The following BRINP3 variants were observed in gnomAD, a reference collection of about 807,000 sequenced individuals.
BRINP3 encodes the protein BMP/retinoic acid inducible neural specific 3.
BRINP3 carries 19 observed loss-of-function variants against 71.0 expected under a neutral mutation model. The observed-to-expected ratio is 0.27, with a 90% confidence interval of 0.19 to 0.39. BRINP3 has a LOEUF of 0.39. Among genes scored for constraint, BRINP3 ranks in the 10% least tolerant of loss-of-function variants. The pLI, the probability that BRINP3 is intolerant of heterozygous loss-of-function variation, is 1.00. For synonymous variants in BRINP3, 380 were observed against 337.7 expected, an observed-to-expected ratio of 1.13 and a Z score of -1.37; for missense variants, 959 against 940.8, an observed-to-expected ratio of 1.02 and a Z score of -0.25.
chr1:190,412,457 T>A (rs1405510862), intron 2 of BRINP3, among the ~76,000 whole-genome samples: 1 of 131,070 alleles, frequency 7.6e-6, no homozygotes, highest in Non-Finnish European at 1.6e-5. Flanking sequence ...TTTTGTTTTG[T>A]TTTTTTTTGT....
intron 3 of BRINP3, among the ~76,000 whole-genome samples, chr1:190,275,134 A>G (rs2102912011): frequency 6.6e-6 from 1 of 151,766 alleles, no homozygotes; most frequent in African/African-American, 2.4e-5. Context: ...ATAACATGAA[A>G]ATAAAGGAAC....
intron 2 of BRINP3, among the ~76,000 whole-genome samples, chr1:190,297,018 T>C (rs749930479): frequency 6.6e-6 from 1 of 152,010 alleles, no homozygotes; most frequent in Non-Finnish European, 1.5e-5. Flanking sequence ...CCTGTAAAAA[T>C]TTCAATGGCA....
intron 2 of BRINP3, among the ~76,000 whole-genome samples, chr1:190,436,597 AT>A (rs943773467): frequency 2.0e-5 from 3 of 151,840 alleles, no homozygotes; most frequent in African/African-American, 4.8e-5. Flanking sequence ...CATTATGATC[AT>A]TTTTTTAAAA....
At position 190,286,235 on chromosome 1, in the gene BRINP3, G is replaced by A. The variant is rs911483963; in HGVS notation, c.237-4485C>T. ...CATCTACTATGTATGTCCATACAACGTTAATTTTTCTACAATGTTTATTAT... is the reference window on the plus strand; with the variant it reads ...CATCTACTATGTATGTCCATACAACATTAATTTTTCTACAATGTTTATTAT... On this transcript the variant is annotated intron_variant, in intron 2 of 7. Transcript: ENST00000367462. Among the ~76,000 whole-genome samples, 7 of 152,006 alleles carry A rather than the reference G, an allele frequency of 4.6e-5. No homozygotes were observed. The East Asian group carries it at 1.3e-3, about 29-fold the overall frequency.
chr1:190,364,468 C>A (rs1401822784), intron 2 of BRINP3, among the ~76,000 whole-genome samples: 1 of 151,818 alleles, frequency 6.6e-6, no homozygotes, highest in Non-Finnish European at 1.5e-5. Context: ...CAACGTGGAG[C>A]CCAGGAAAGA....
chr1:190,166,479 A>G (rs1651549616), intron 6 of BRINP3, among the ~76,000 whole-genome samples: 1 of 152,122 alleles, frequency 6.6e-6, no homozygotes, highest in Non-Finnish European at 1.5e-5. Context: ...AAGCTGGAAA[A>G]CCCAGGTCCT....
At position 190,231,790 on chromosome 1, in the gene BRINP3, A is replaced by G. The variant is rs1263904733; in HGVS notation, c.724+2582T>C. ...AGATCTCAAAGTCCATCTTTTATATATCTTATTTTTTAAAATACTGATTCA... is the reference window on the plus strand; with the variant it reads ...AGATCTCAAAGTCCATCTTTTATATGTCTTATTTTTTAAAATACTGATTCA... On this transcript the variant is annotated intron_variant, in intron 5 of 7. Coordinates refer to ENST00000367462, the MANE Select transcript of BRINP3 (RefSeq NM_199051.3). 7.9e-5 allele frequency among the ~76,000 whole-genome samples: 12 copies of G among 151,772 alleles called. No individual in the cohort carries two copies. The South Asian group carries it at 2.1e-3, about 26-fold the overall frequency.
At chr1:190,469,282 T>G (rs1262324450) in intron 1 of BRINP3, among the ~76,000 whole-genome samples, 1 of 151,076 alleles carries the variant, frequency 6.6e-6, no homozygotes, top group Non-Finnish European at 1.5e-5. Flanking sequence ...ATTTATAAAA[T>G]GTACTATTAC....
At chr1:190,162,939 T>C (rs2102466524) in intron 6 of BRINP3, among the ~76,000 whole-genome samples, 1 of 152,200 alleles carries the variant, frequency 6.6e-6, no homozygotes, top group East Asian at 1.9e-4. Context: ...ATACAGATGT[T>C]TCAATCTATG....
intron 6 of BRINP3, among the ~76,000 whole-genome samples, chr1:190,167,351 T>A (rs1396819984): frequency 6.6e-6 from 1 of 152,112 alleles, no homozygotes; most frequent in African/African-American, 2.4e-5. Context: ...AATTTTGACA[T>A]TAGAAATTCC....
intron 2 of BRINP3, among the ~76,000 whole-genome samples, chr1:190,383,235 T>C (rs1285081997): frequency 6.6e-6 from 1 of 152,148 alleles, no homozygotes; most frequent in African/African-American, 2.4e-5. Flanking sequence ...CTTAATTTTC[T>C]TGTTACAGTA....
chr1:190,296,724 A>T (rs1280115136), intron 2 of BRINP3, among the ~76,000 whole-genome samples: 2 of 152,176 alleles, frequency 1.3e-5, no homozygotes, highest in Non-Finnish European at 2.9e-5. Context: ...TACAAACTCA[A>T]CATACAAAAA....
chr1:190,156,433 A>C (rs1324683540), intron 7 of BRINP3, among the ~76,000 whole-genome samples: 1 of 152,082 alleles, frequency 6.6e-6, no homozygotes, highest in Non-Finnish European at 1.5e-5. Flanking sequence ...CTTCTTCAAA[A>C]ATTTCTGAAA....
At chr1:190,380,468 T>G (rs187618028) in intron 2 of BRINP3, among the ~76,000 whole-genome samples, 1 of 152,138 alleles carries the variant, frequency 6.6e-6, no homozygotes, top group Admixed American at 6.6e-5. Context: ...TGAAGGGAGA[T>G]CTGTATAGGA....
intron 5 of BRINP3, 44 bp from the exon 6 acceptor site, chr1:190,226,362 G>A (rs949302237): frequency 3.4e-6 from 4 of 1,168,908 alleles, no homozygotes; most frequent in South Asian, 1.7e-5. Flanking sequence ...CTTTGTTAAA[G>A]AAAAAATTAA....
At chr1:190,299,927 T>A (rs2102992218) in intron 2 of BRINP3, among the ~76,000 whole-genome samples, 1 of 152,268 alleles carries the variant, frequency 6.6e-6, no homozygotes, top group Admixed American at 6.5e-5. Flanking sequence ...CTGCTTTTAG[T>A]CTGATGGGCT....
intron 7 of BRINP3, among the ~76,000 whole-genome samples, chr1:190,152,307 C>G (rs1656465446): frequency 6.6e-6 from 1 of 151,762 alleles, no homozygotes; most frequent in South Asian, 2.1e-4. Flanking sequence ...TAGTTGCTTT[C>G]TAGTAGCTTT....
chr1:190,335,970 G>T (rs2103094577), intron 2 of BRINP3, among the ~76,000 whole-genome samples: 1 of 152,142 alleles, frequency 6.6e-6, no homozygotes, highest in East Asian at 1.9e-4. Context: ...TTATAAGGTA[G>T]TGTGGTAAGC....
At chr1:190,151,447 A>T (rs1656385408) in intron 7 of BRINP3, among the ~76,000 whole-genome samples, 1 of 152,178 alleles carries the variant, frequency 6.6e-6, no homozygotes, top group Non-Finnish European at 1.5e-5. Flanking sequence ...ATCAGCAAAT[A>T]ATCAGTTTAT....
Sources: allele counts gnomAD v4.1 joint callset (sites outside exome capture counted in the v4.1 genomes callset), GRCh38; gene constraint gnomAD v4.1.1; transcripts MANE v1.5; gene names NCBI Gene and HGNC (gene_info 2026-07-23, HGNC 2026-07-21).